Variants in GSDME observed in about 807,000 individuals in gnomAD.
GSDME encodes the protein gasdermin-E.
Under a neutral mutation model 47.5 loss-of-function variants are expected in GSDME, and 44 were observed. The observed-to-expected ratio is 0.93, with a 90% CI of 0.73 to 1.19. The LOEUF (loss-of-function observed/expected upper bound fraction) is 1.19. Among genes scored for constraint, GSDME ranks in the 50% most tolerant of loss-of-function variants. The pLI, the probability that GSDME is intolerant of heterozygous loss-of-function variation, is 0.00. For missense variants in GSDME, 663 were observed against 604.2 expected (o/e 1.10, Z -1.02); for synonymous variants, 258 against 252.8 (o/e 1.02, Z -0.20).
At position 24,739,675 on chromosome 7, in the gene GSDME, A is replaced by C. The variant is rs908470041; in HGVS notation, c.404+4887T>G. ...ATCAGTATACTGAGGAGCTATCTGC[A>C]CTCCTACATTTATTGCAGCACTAGT... On this transcript the variant is annotated intron_variant, in intron 3 of 9. Coordinates refer to ENST00000645220, the MANE Select transcript of GSDME (RefSeq NM_001127453.2). This position sits in a 1 kb window ranked among gnomAD's most constrained non-coding sequence, Gnocchi z 5.1. 4.6e-5 allele frequency among the ~76,000 whole-genome samples: 7 copies of C among 152,108 alleles called. No individual in the cohort carries two copies. The highest frequency in any genetic ancestry group is 7.3e-5 in the Non-Finnish European group (5 of 68,028).
At chr7:24,758,449 C>T (rs897845120), upstream of GSDME, among the ~76,000 whole-genome samples, 5 of 152,208 alleles carry the variant, frequency 3.3e-5, no homozygotes, top group South Asian at 2.1e-4. The surrounding 1 kb of genome is among the most constrained non-coding windows in gnomAD (Gnocchi z 4.6). Flanking sequence ...CCTCAGGTTA[C>T]GAGCCCATTG....
rs529832936 is a variant in GSDME at position 24,712,648 on chromosome 7, C to T, written c.698-2260G>A. ...ACAGGGCTGAGGCCAGAGTGACCAG[C>T]GGGTGGAGGGGAGGAAAAACATCTT... On this transcript the variant is annotated intron_variant, in intron 5 of 9. Transcript: ENST00000645220. This position sits in a 1 kb window ranked among gnomAD's most constrained non-coding sequence, Gnocchi z 4.4. 1.3e-5 allele frequency among the ~76,000 whole-genome samples: 2 copies of T among 152,258 alleles called. No individual in the cohort carries two copies. Among genetic ancestry groups the T allele is most frequent in the Admixed American group, 6.5e-5 (1 of 15,296 alleles).
chr7:24,746,880 G>A (rs1326315707), intron 2 of GSDME, among the ~76,000 whole-genome samples: 1 of 152,182 alleles, frequency 6.6e-6, no homozygotes, highest in Non-Finnish European at 1.5e-5. Flanking sequence ...TGCCAGTGAG[G>A]CTGCGAGTGG....
In GSDME at chr7:24,736,260, G is replaced by C. The variant is rs548377220; in HGVS notation, c.404+8302C>G. ...TAAAAACAACAAAAAAAGACCAAATGATCTGTTGCCTACAAGAAACACCCT... is the reference window on the plus strand; with the variant it reads ...TAAAAACAACAAAAAAAGACCAAATCATCTGTTGCCTACAAGAAACACCCT... On this transcript the variant is annotated intron_variant, in intron 3 of 9. Coordinates refer to ENST00000645220, the MANE Select transcript of GSDME (RefSeq NM_001127453.2). This position sits in a 1 kb window ranked among gnomAD's most constrained non-coding sequence, Gnocchi z 4.6. Among the ~76,000 whole-genome samples, 1 of 152,004 alleles carries C rather than the reference G, an allele frequency of 6.6e-6. No homozygotes were observed. The highest frequency in any genetic ancestry group is 1.5e-5 in the Non-Finnish European group (1 of 68,002).
chr7:24,776,128 T>C, the GSDME span, among the ~76,000 whole-genome samples: 1 of 136,694 alleles, frequency 7.3e-6, no homozygotes, highest in African/African-American at 2.8e-5. Flanking sequence ...TGCAGTGACC[T>C]GAGACCGGGC....
intron 3 of GSDME, among the ~76,000 whole-genome samples, chr7:24,738,038 C>T (rs1021030271): frequency 6.6e-6 from 1 of 152,092 alleles, no homozygotes; most frequent in African/African-American, 2.4e-5. Flanking sequence ...TGGAGAAAAA[C>T]TGAAAGCCTT....
In GSDME at chr7:24,706,338, C is replaced by T. The variant is rs144255606; in HGVS notation, c.1029G>A (p.Ala343=). The T allele has an allele frequency of 3.0e-5, 48 of 1,613,376 alleles. No homozygotes were observed. Among genetic ancestry groups the T allele is most frequent in the Middle Eastern group, 1.8e-4 (1 of 5,638 alleles). Reference sequence around the variant, plus strand: ...GCCGGGGCTTCAGCTCCCCCAGCACCGCCACTGTGGGCGAGAGGCCGCTGA... The same window carrying T: ...GCCGGGGCTTCAGCTCCCCCAGCACTGCCACTGTGGGCGAGAGGCCGCTGA... ...DLVSGLSPTV[A]VLGELKPRQQ... The change falls in exon 8 of 10, where the codon GCG becomes GCA. Residue 343 remains alanine, a synonymous_variant. Transcript: ENST00000645220.
In GSDME at chr7:24,749,688, A is replaced by T. The variant is rs148370267; in HGVS notation, c.87T>A (p.Asp29Glu). ...LIAVSNLNDSDKLQLLSLVTK... is the reference protein window; with the variant it reads ...LIAVSNLNDSEKLQLLSLVTK... ...TCACCAGACTTAGAAGCTGTAACTTATCAGAGTCATTCAGATTTGATACTG... is the reference window on the plus strand; with the variant it reads ...TCACCAGACTTAGAAGCTGTAACTTTTCAGAGTCATTCAGATTTGATACTG... Residue 29 changes from aspartate to glutamate, a missense_variant, in exon 2 of 10, where the codon GAT (aspartate) becomes GAA (glutamate). Coordinates refer to ENST00000645220, the MANE Select transcript of GSDME (RefSeq NM_001127453.2). The T allele has an allele frequency of 5.9e-4, 954 of 1,614,164 alleles. 15 individuals carry two copies. In the South Asian group the frequency reaches 9.3e-3, roughly 16 times the overall value.
the GSDME span, among the ~76,000 whole-genome samples, chr7:24,769,159 A>T: frequency 6.6e-6 from 1 of 152,230 alleles, no homozygotes; most frequent in Admixed American, 6.5e-5. Context: ...CACAAGAAAA[A>T]CCATTGTCTT....
At chr7:24,786,213 T>C in the GSDME span, among the ~76,000 whole-genome samples, 1 of 152,200 alleles carries the variant, frequency 6.6e-6, no homozygotes, top group Non-Finnish European at 1.5e-5. This position sits in a 1 kb window ranked among gnomAD's most constrained non-coding sequence, Gnocchi z 5.5. Context: ...TAGAGATAAG[T>C]TCCCCAATTC....
the GSDME span, among the ~76,000 whole-genome samples, chr7:24,785,516 C>T: frequency 2.0e-5 from 3 of 152,194 alleles, no homozygotes; most frequent in South Asian, 2.1e-4. Context: ...AGTGCAGTGG[C>T]GCGATCTCAG....
At chr7:24,790,076 TCTAA>T in the GSDME span, among the ~76,000 whole-genome samples, 1 of 152,206 alleles carries the variant, frequency 6.6e-6, no homozygotes. This position sits in a 1 kb window ranked among gnomAD's most constrained non-coding sequence, Gnocchi z 4.1. Context: ...TTGTCATATC[TCTAA>T]CTATGTCTTC....
the GSDME span, among the ~76,000 whole-genome samples, chr7:24,778,197 G>C: frequency 6.6e-6 from 1 of 151,566 alleles, no homozygotes; most frequent in Non-Finnish European, 1.5e-5. This position sits in a 1 kb window ranked among gnomAD's most constrained non-coding sequence, Gnocchi z 5.6. Context: ...GGGAAGGAGA[G>C]ATCCAAGCAG....
intron 1 of GSDME, among the ~76,000 whole-genome samples, chr7:24,750,481 C>T (rs983160433): frequency 1.4e-4 from 21 of 152,004 alleles, no homozygotes; most frequent in Admixed American, 2.0e-4. Flanking sequence ...GGTGTGGTGG[C>T]GCACAGCTGT....
rs1312652594 is a variant in GSDME, at chr7:24,724,195, TA to T, written c.405-4978del. 1.0e-3 allele frequency among the ~76,000 whole-genome samples: 159 copies of T among 152,056 alleles called. 1 individual carries two copies. The highest frequency in any genetic ancestry group is 3.7e-3 in the African/African-American group (153 of 41,464). On this transcript the variant is annotated intron_variant, in intron 3 of 9. Transcript: ENST00000645220. This position sits in a 1 kb window ranked among gnomAD's most constrained non-coding sequence, Gnocchi z 4.8. ...GTTCCAAAAAAAAAAAAAAGTATTTTAAAAAAAGGCCTTCTGGACAGACTGT... is the reference window on the plus strand; with the variant it reads ...GTTCCAAAAAAAAAAAAAAGTATTTTAAAAAAGGCCTTCTGGACAGACTGT...
the GSDME span, among the ~76,000 whole-genome samples, chr7:24,788,126 C>A: frequency 1.3e-5 from 2 of 152,192 alleles, no homozygotes; most frequent in Non-Finnish European, 2.9e-5. This position sits in a 1 kb window ranked among gnomAD's most constrained non-coding sequence, Gnocchi z 4.6. Flanking sequence ...ACTGAAAATG[C>A]GTCCAAACAC....
rs3038356 is a variant in GSDME at position 24,744,923 on chromosome 7, CGTGTGTGTGTGT to C, written c.212-181_212-170del. ...GTGTGGGCAAGAAAACAGGGCAGCA[CGTGTGTGTGTGT>C]GTGTGTGTGTGTGTGTGGACCGCGG... On this transcript the variant is annotated intron_variant, in intron 2 of 9. Transcript: ENST00000645220. This position sits in a 1 kb window ranked among gnomAD's most constrained non-coding sequence, Gnocchi z 4.5. Among the ~76,000 whole-genome samples the C allele has an allele frequency of 7.1e-6, 1 of 140,110 alleles. No homozygotes were observed. The highest frequency in any genetic ancestry group is 2.7e-5 in the African/African-American group (1 of 37,056). 91.9% of individuals were successfully genotyped at this position (140,110 alleles called of 152,430 possible). A position where few individuals can be genotyped will look rare whatever the true frequency, so the allele number is the denominator to read the frequency against.
Position 24,702,755 on chromosome 7 carries a change from CT to C in GSDME, c.1257+4del, listed in dbSNP as rs751597112. 1.2e-6 allele frequency: 2 copies of C among 1,612,796 alleles called. No homozygotes were observed. The highest frequency in any genetic ancestry group is 2.7e-5 in the African/African-American group (2 of 74,900). On this transcript the variant is annotated splice_donor_region_variant and intron_variant, in intron 9 of 9. Transcript: ENST00000645220. ...TTCTAAGGTCCCACCTGGGAGGTTG[CT>C]TACCAAGTGGCACAGTGTGGGAATG... is the stretch of plus-strand genomic sequence containing the variant.
intron 1 of GSDME, among the ~76,000 whole-genome samples, chr7:24,752,290 C>A (rs1388372226): frequency 6.6e-6 from 1 of 152,176 alleles, no homozygotes; most frequent in Admixed American, 6.5e-5. Context: ...TGCAGCATTC[C>A]AGAGTGGAGA....
Sources: allele counts gnomAD v4.1 joint callset (sites outside exome capture counted in the v4.1 genomes callset), GRCh38; gene constraint gnomAD v4.1.1; non-coding constraint Gnocchi (gnomAD v3.1); transcripts MANE v1.5; gene names NCBI Gene and HGNC (gene_info 2026-07-23, HGNC 2026-07-21).